Variants in ARB2A observed in about 807,000 individuals in gnomAD.
ARB2A encodes ARB2 cotranscriptional regulator A, also known as cotranscriptional regulator ARB2A.
At chr5:93,765,933 G>A in the ARB2A span, among the ~76,000 whole-genome samples, 1 of 152,114 alleles carries the variant, frequency 6.6e-6, no homozygotes, top group African/African-American at 2.4e-5. Flanking sequence ...AACAAGCAAT[G>A]GGGAAAGGAT....
At chr5:93,812,269 C>T in the ARB2A span, among the ~76,000 whole-genome samples, 4 of 152,114 alleles carry the variant, frequency 2.6e-5, no homozygotes, top group Admixed American at 2.6e-4. Flanking sequence ...TTTCATTACA[C>T]TATCAATGAT....
At chr5:94,002,042 C>A in the ARB2A span, among the ~76,000 whole-genome samples, 2 of 151,920 alleles carry the variant, frequency 1.3e-5, no homozygotes, top group Non-Finnish European at 2.9e-5. Context: ...TTTTTCTTCC[C>A]CTCTTAGGTG....
the ARB2A span, among the ~76,000 whole-genome samples, chr5:94,011,169 G>A: frequency 1.1e-3 from 167 of 152,220 alleles, no homozygotes; most frequent in African/African-American, 3.9e-3. Context: ...GTAGTCTCAT[G>A]GTTCTTCTCT....
At chr5:94,027,814 A>G in the ARB2A span, among the ~76,000 whole-genome samples, 2 of 152,148 alleles carry the variant, frequency 1.3e-5, no homozygotes, top group African/African-American at 2.4e-5. Context: ...GGGACCTGAA[A>G]CTTGGGGTTG....
At chr5:94,106,824 C>G in the ARB2A span, among the ~76,000 whole-genome samples, 1 of 123,046 alleles carries the variant, frequency 8.1e-6, no homozygotes, top group Admixed American at 9.6e-5. Context: ...ATGTCCTTTA[C>G]AGCAACATGG....
the ARB2A span, among the ~76,000 whole-genome samples, chr5:93,767,301 T>C: frequency 7.9e-5 from 12 of 152,266 alleles, no homozygotes; most frequent in African/African-American, 2.9e-4. Context: ...TCACTAATTA[T>C]CAGGGAAATG....
chr5:93,790,432 T>C, the ARB2A span, among the ~76,000 whole-genome samples: 4 of 152,148 alleles, frequency 2.6e-5, no homozygotes, highest in African/African-American at 4.8e-5. Context: ...AAAGAAAACA[T>C]GTACGAAGGG....
chr5:93,654,007 C>A, the ARB2A span, among the ~76,000 whole-genome samples: 2 of 152,144 alleles, frequency 1.3e-5, no homozygotes, highest in African/African-American at 2.4e-5. Context: ...AATTTAGTTC[C>A]GTTCAATAAA....
At chr5:93,776,446 G>A in the ARB2A span, among the ~76,000 whole-genome samples, 5 of 152,058 alleles carry the variant, frequency 3.3e-5, no homozygotes, top group East Asian at 3.9e-4. Flanking sequence ...TTGTTTGTTC[G>A]TTTTACTATT....
chr5:93,830,677 TCTTACAACAGA>T, the ARB2A span, among the ~76,000 whole-genome samples: 1 of 152,194 alleles, frequency 6.6e-6, no homozygotes, highest in East Asian at 1.9e-4. Context: ...GTTTAGGTTT[TCTTACAACAGA>T]CTTTAGTCTC....
At chr5:93,941,854 T>C in the ARB2A span, among the ~76,000 whole-genome samples, 1 of 152,140 alleles carries the variant, frequency 6.6e-6, no homozygotes, top group African/African-American at 2.4e-5. Context: ...TAGGATGATG[T>C]CAGAATATCA....
At chr5:93,703,287 T>C in the ARB2A span, among the ~76,000 whole-genome samples, 49 of 152,312 alleles carry the variant, frequency 3.2e-4, 1 homozygote, top group South Asian at 9.7e-3. Context: ...GTCGGCGAAG[T>C]AGTGTGGTTT....
the ARB2A span, among the ~76,000 whole-genome samples, chr5:93,684,612 G>T: frequency 9.2e-5 from 14 of 152,114 alleles, no homozygotes; most frequent in Non-Finnish European, 1.8e-4. Context: ...CAGACAAATA[G>T]TAAAAAATTT....
the ARB2A span, among the ~76,000 whole-genome samples, chr5:93,888,245 A>T: frequency 1.3e-5 from 2 of 151,864 alleles, no homozygotes; most frequent in Non-Finnish European, 2.9e-5. Context: ...TGAGGACAGA[A>T]ATATGATTTA....
the ARB2A span, among the ~76,000 whole-genome samples, chr5:94,033,195 C>T: frequency 6.6e-6 from 1 of 152,160 alleles, no homozygotes; most frequent in Non-Finnish European, 1.5e-5. Context: ...ATTACCCAAT[C>T]TTGGGTGTTT....
chr5:93,942,868 C>T, the ARB2A span, among the ~76,000 whole-genome samples: 19 of 152,004 alleles, frequency 1.2e-4, 1 homozygote, highest in Admixed American at 1.2e-3. Flanking sequence ...TGTAAGTGTA[C>T]TTTTTAAACA....
chr5:93,696,608 C>T, the ARB2A span, among the ~76,000 whole-genome samples: 1 of 152,144 alleles, frequency 6.6e-6, no homozygotes, highest in Non-Finnish European at 1.5e-5. Context: ...TTCAATGTGT[C>T]ACTCATTCTT....
At chr5:94,083,607 C>A in the ARB2A span, among the ~76,000 whole-genome samples, 1 of 152,022 alleles carries the variant, frequency 6.6e-6, no homozygotes, top group Non-Finnish European at 1.5e-5. Flanking sequence ...TTGTAAAAGT[C>A]TCTTCAAAAT....
chr5:94,099,681 T>C, the ARB2A span, among the ~76,000 whole-genome samples: 1 of 103,560 alleles, frequency 9.7e-6, no homozygotes, highest in Non-Finnish European at 2.1e-5. Flanking sequence ...ATTCATCACA[T>C]AAACAGAACT....
Sources: gnomAD v4.1 joint callset for allele counts (sites outside exome capture counted in the v4.1 genomes callset) on GRCh38, gnomAD v4.1.1 for gene constraint, MANE v1.5 for transcripts, NCBI Gene and HGNC (gene_info 2026-07-23, HGNC 2026-07-21) for gene names.